CCL16: variants seen among roughly 807,000 people sequenced by gnomAD.
CCL16 encodes the protein C-C motif chemokine 16.
In CCL16, 6 loss-of-function variants were observed where a neutral mutation model predicts 7.5. The observed-to-expected ratio is 0.80, with a 90% CI of 0.44 to 1.57. The LOEUF is 1.57. Among genes scored for constraint, CCL16 ranks in the 40% most tolerant of loss-of-function variants. The pLI is 0.01. For synonymous variants in CCL16, 60 were observed against 57.7 expected (o/e 1.04, Z -0.18); for missense variants, 134 against 142.9 (o/e 0.94, Z 0.32).
chr17:35,977,782 C>T (rs573042033), intron 2 of CCL16, 51 bp from the exon 3 acceptor site: 13 of 1,577,658 alleles, frequency 8.2e-6, no homozygotes, highest in South Asian at 5.7e-5. Context: ...GGCAGGAGTC[C>T]GGTGCCCACC....
intron 1 of CCL16, among the ~76,000 whole-genome samples, chr17:35,979,376 G>A (rs2141987752): frequency 6.6e-6 from 1 of 152,258 alleles, no homozygotes; most frequent in East Asian, 1.9e-4. Context: ...TGGAGAGGCG[G>A]AGGTTAGGGG....
chr17:35,979,362 G>T (rs2089664153), intron 1 of CCL16, among the ~76,000 whole-genome samples: 1 of 152,122 alleles, frequency 6.6e-6, no homozygotes, highest in Non-Finnish European at 1.5e-5. Context: ...TATCTTAGAG[G>T]TATTGGAGAG....
In CCL16 at chr17:35,977,324, C is replaced by A; in HGVS notation, c.*242G>T. On this transcript the variant is annotated 3_prime_UTR_variant, in exon 3 of 3. Transcript: ENST00000611905. ...CTCCAGCCTGGGTGACAGAGTAAGA[C>A]CCTATCTCAAAAAAATAAAAATATA... 4.0e-6 allele frequency: 1 copy of A among 247,006 alleles called. No individual in the cohort carries two copies. Among genetic ancestry groups the A allele is most frequent in the Non-Finnish European group, 7.5e-6 (1 of 133,548 alleles). The allele number at this position is 247,006 out of a possible 1,614,324, so 15.3% of individuals were successfully genotyped here. A position where few individuals can be genotyped will look rare whatever the true frequency, so the allele number is the denominator to read the frequency against.
intron 1 of CCL16, 83 bp downstream of exon 1, chr17:35,981,262 C>A: frequency 1.1e-6 from 1 of 929,570 alleles, no homozygotes. Flanking sequence ...GCCAGAGACC[C>A]GACAGCGCCC....
chr17:35,978,084 A>G (rs1441136123), intron 2 of CCL16, 59 bp downstream of exon 2: 5 of 1,609,678 alleles, frequency 3.1e-6, no homozygotes, highest in South Asian at 1.1e-5. Context: ...CATGTATCTC[A>G]TTCCTGCCCC....
chr17:35,977,673 C>T lies in CCL16; in HGVS notation c.256G>A (p.Glu86Lys). The T allele has an allele frequency of 6.2e-7, 1 of 1,612,322 alleles. No individual in the cohort carries two copies. Among genetic ancestry groups the T allele is most frequent in the South Asian group, 1.1e-5 (1 of 90,986 alleles). ...GGTAGGTTGGGATCCTTGATGTACT[C>T]TTGGACCCAGTCGTCATTGGGGTTG... ...CTNPNDDWVQ[E>K]YIKDPNLPLL... Residue 86 changes from glutamate (E) to lysine (K), a missense_variant, in exon 3 of 3, where the codon GAG (glutamate) becomes AAG (lysine). Glu to Lys is a moderately conservative substitution (Grantham distance 56). Coordinates refer to ENST00000611905, the MANE Select transcript of CCL16 (RefSeq NM_004590.4).
chr17:35,977,291 C>G lies in CCL16; in HGVS notation c.*275G>C, dbSNP rs938156932. On this transcript the variant is annotated 3_prime_UTR_variant, in exon 3 of 3. Coordinates refer to ENST00000611905, the MANE Select transcript of CCL16 (RefSeq NM_004590.4). ...CAAGATCAAGTGAGCCAAGATCACA[C>G]CACTGCACTCCAGCCTGGGTGACAG... is the stretch of plus-strand genomic sequence containing the variant. The G allele has an allele frequency of 3.2e-5, 6 of 190,152 alleles. No homozygotes were observed. The highest frequency in any genetic ancestry group is 6.1e-5 in the Admixed American group (1 of 16,358). The allele number at this position is 190,152 out of a possible 1,614,324, so 11.8% of individuals were successfully genotyped here. A position where few individuals can be genotyped will look rare whatever the true frequency, so the allele number is the denominator to read the frequency against.
chr17:35,977,339 AT>A lies in CCL16; in HGVS notation c.*226del. 1 of 308,682 alleles carries A rather than the reference AT, an allele frequency of 3.2e-6. No homozygotes were observed. Among genetic ancestry groups the A allele is most frequent in the Non-Finnish European group, 5.7e-6 (1 of 174,706 alleles). The allele number at this position is 308,682 out of a possible 1,614,324, so 19.1% of individuals were successfully genotyped here. A position where few individuals can be genotyped will look rare whatever the true frequency, so the allele number is the denominator to read the frequency against. The stretch of plus-strand genomic sequence containing the variant: ...CAGAGTAAGACCCTATCTCAAAAAA[AT>A]AAAAATATAAATATAAAAATAAAAG... On this transcript the variant is annotated 3_prime_UTR_variant, in exon 3 of 3. Transcript: ENST00000611905.
rs781562264 is a variant in CCL16, at chr17:35,981,368, G to A, written c.53C>T (p.Thr18Ile). Residue 18 changes from threonine (T) to isoleucine (I), a missense_variant, in exon 1 of 3, where the codon ACT (threonine) becomes ATT (isoleucine). Physicochemically the swap from Thr to Ile is moderately conservative, Grantham distance 89. Coordinates refer to ENST00000611905, the MANE Select transcript of CCL16 (RefSeq NM_004590.4). ...ACTTGGCTGGCTGCGAGAAGCCGAA[G>A]TAATGATAAGGATGAGGACAAGGAG... Reference protein sequence around the residue: ...LSLLVLILIITSASRSQPKVP... With the variant: ...LSLLVLILIIISASRSQPKVP... 2 of 1,612,928 alleles carry A rather than the reference G, an allele frequency of 1.2e-6. No individual in the cohort carries two copies. The highest frequency in any genetic ancestry group is 1.1e-5 in the South Asian group (1 of 90,714).
rs79510421 is a variant in CCL16 at position 35,976,771 on chromosome 17, G to C, written c.*795C>G. ...ATGATTAATGTGAATATTCCCATCCGGACTTCCTATGAAAAAGTTGCATTA... is the reference window on the plus strand; with the variant it reads ...ATGATTAATGTGAATATTCCCATCCCGACTTCCTATGAAAAAGTTGCATTA... On this transcript the variant is annotated 3_prime_UTR_variant, in exon 3 of 3. Transcript: ENST00000611905. 6.6e-6 allele frequency: 1 copy of C among 151,518 alleles called. No homozygotes were observed. The highest frequency in any genetic ancestry group is 2.4e-5 in the African/African-American group (1 of 41,216). The allele number at this position is 151,518 out of a possible 1,614,324, so 9.4% of individuals were successfully genotyped here. A position where few individuals can be genotyped will look rare whatever the true frequency, so the allele number is the denominator to read the frequency against.
Position 35,977,611 on chromosome 17 carries a change from A to C in CCL16, c.318T>G (p.Ile106Met), listed in dbSNP as rs567732899. The C allele has an allele frequency of 6.2e-7, 1 of 1,612,572 alleles. No homozygotes were observed. The highest frequency in any genetic ancestry group is 1.3e-5 in the African/African-American group (1 of 74,968). Residue 106 changes from isoleucine (I) to methionine (M), a missense_variant, in exon 3 of 3, where the codon ATT becomes ATG. Transcript: ENST00000611905. ...GGGGTTGACCATTCTTTGCTGTAAT[A>C]ATTTTAACCGTGGACAAGTTCCTGG... ...LPTRNLSTVK[I>M]ITAKNGQPQL...
intron 1 of CCL16, among the ~76,000 whole-genome samples, chr17:35,979,600 G>A (rs28520607): frequency 0.013 from 1,927 of 152,206 alleles, 49 homozygotes; most frequent in African/African-American, 0.044. Flanking sequence ...CTAGGATCAT[G>A]GTTAGAATTC....
At chr17:35,978,413 CATAAGATGA>C in intron 1 of CCL16, 150 bp from the exon 2 acceptor site, 1 of 1,036,368 alleles carries the variant, frequency 9.6e-7, no homozygotes, top group Non-Finnish European at 1.4e-6. Context: ...TAATGAAGTG[CATAAGATGA>C]ATCCCTTTGG....
chr17:35,981,356 C>T lies in CCL16; in HGVS notation c.65G>A (p.Arg22His), dbSNP rs543053536. ...VLILIITSAS[R>H]SQPKVPEWVN... Reference sequence around the variant, plus strand: ...ACAAGTGGACTCACTTGGCTGGCTGCGAGAAGCCGAAGTAATGATAAGGAT... The same window carrying T: ...ACAAGTGGACTCACTTGGCTGGCTGTGAGAAGCCGAAGTAATGATAAGGAT... The change falls in exon 1 of 3, where the codon CGC becomes CAC. Residue 22 changes from arginine (R) to histidine (H), a missense_variant. Transcript: ENST00000611905. The T allele has an allele frequency of 2.1e-4, 333 of 1,611,650 alleles. 4 individuals carry two copies. The South Asian group carries it at 3.5e-3, about 17-fold the overall frequency.
intron 1 of CCL16, among the ~76,000 whole-genome samples, chr17:35,979,982 C>G (rs898711866): frequency 6.6e-6 from 1 of 152,118 alleles, no homozygotes; most frequent in African/African-American, 2.4e-5. Flanking sequence ...TTTGGGTGGG[C>G]CATTTTCTCT....
Position 35,977,490 on chromosome 17 carries a change from C to T in CCL16, c.*76G>A. On this transcript the variant is annotated 3_prime_UTR_variant, in exon 3 of 3. Transcript: ENST00000611905. ...TCTCAATGTGACTGGCTAGTTTCAG[C>T]CTAATAAGGCTTCCCCTGTTTTCAT... 1 of 1,317,778 alleles carries T rather than the reference C, an allele frequency of 7.6e-7. No homozygotes were observed. Among genetic ancestry groups the T allele is most frequent in the Admixed American group, 2.0e-5 (1 of 49,964 alleles). The allele number at this position is 1,317,778 out of a possible 1,614,324, so 81.6% of individuals were successfully genotyped here. A position where few individuals can be genotyped will look rare whatever the true frequency, so the allele number is the denominator to read the frequency against.
At chr17:35,980,542 A>T (rs796904391) in intron 1 of CCL16, 1 of 185,586 alleles carries the variant, frequency 5.4e-6, no homozygotes, top group South Asian at 1.1e-4. Flanking sequence ...AAACAAAACA[A>T]AACACAACAA....
chr17:35,979,378 G>A (rs1234809731), intron 1 of CCL16, among the ~76,000 whole-genome samples: 1 of 152,134 alleles, frequency 6.6e-6, no homozygotes, highest in Non-Finnish European at 1.5e-5. Context: ...GAGAGGCGGA[G>A]GTTAGGGGGA....
chr17:35,976,883 T>C lies in CCL16; in HGVS notation c.*683A>G, dbSNP rs1394313367. On this transcript the variant is annotated 3_prime_UTR_variant, in exon 3 of 3. Coordinates refer to ENST00000611905, the MANE Select transcript of CCL16 (RefSeq NM_004590.4). ...AAAATCAAGAGTTCTATGGGGCTCTTAATGGGTCAAGACCCAGAGGGCAAA... is the reference window on the plus strand; with the variant it reads ...AAAATCAAGAGTTCTATGGGGCTCTCAATGGGTCAAGACCCAGAGGGCAAA... 1 of 152,184 alleles carries C rather than the reference T, an allele frequency of 6.6e-6. No individual in the cohort carries two copies. The highest frequency in any genetic ancestry group is 1.5e-5 in the Non-Finnish European group (1 of 68,028). 9.4% of individuals were successfully genotyped at this position (152,184 alleles called of 1,614,324 possible). A position where few individuals can be genotyped will look rare whatever the true frequency, so the allele number is the denominator to read the frequency against.
Sources: allele counts gnomAD v4.1 joint callset (sites outside exome capture counted in the v4.1 genomes callset), GRCh38; gene constraint gnomAD v4.1.1; transcripts MANE v1.5; gene names NCBI Gene and HGNC (gene_info 2026-07-23, HGNC 2026-07-21).